The following OSBP2 variants were observed in gnomAD, a reference collection of about 807,000 sequenced individuals.
OSBP2 encodes the protein oxysterol binding protein 2.
A neutral mutation model predicts 96.0 loss-of-function variants in OSBP2; 66 were observed. The observed-to-expected ratio is 0.69, with a 90% CI of 0.56 to 0.84. OSBP2 has a LOEUF of 0.84. Ranked by LOEUF, OSBP2 falls within the 40% of genes least tolerant of loss-of-function variation. The pLI, the probability that OSBP2 is intolerant of heterozygous loss-of-function variation, is 0.00. For missense variants in OSBP2, 1,038 were observed against 1,222.7 expected, an observed-to-expected ratio of 0.85 and a Z score of 2.25; for synonymous variants, 525 against 520.9, an observed-to-expected ratio of 1.01 and a Z score of -0.11.
intron 2 of OSBP2, among the ~76,000 whole-genome samples, chr22:30,790,097 G>A (rs1393877107): frequency 1.3e-5 from 2 of 152,132 alleles, no homozygotes; most frequent in East Asian, 3.9e-4. Context: ...AGCCCCTTGG[G>A]TCAGCAGATG....
At chr22:30,732,623 C>G (rs1461804938) in intron 1 of OSBP2, among the ~76,000 whole-genome samples, 1 of 152,216 alleles carries the variant, frequency 6.6e-6, no homozygotes. Flanking sequence ...CAGCTGATCC[C>G]AAGTGTGTGA....
intron 2 of OSBP2, among the ~76,000 whole-genome samples, chr22:30,798,856 A>G (rs1383771408): frequency 1.3e-5 from 2 of 151,790 alleles, no homozygotes; most frequent in Non-Finnish European, 2.9e-5. Flanking sequence ...GTACTAAAAA[A>G]TACAAACTTT....
intron 2 of OSBP2, among the ~76,000 whole-genome samples, chr22:30,746,898 T>C (rs1360213013): frequency 6.6e-6 from 1 of 152,116 alleles, no homozygotes; most frequent in African/African-American, 2.4e-5. Context: ...CCTTTATGAA[T>C]ATAGCTGCAA....
rs546733796 is a variant in OSBP2, at chr22:30,764,937, T to A, written c.853+23568T>A. Among the ~76,000 whole-genome samples, 3 of 152,270 alleles carry A rather than the reference T, an allele frequency of 2.0e-5. No homozygotes were observed. In the East Asian group the frequency reaches 5.8e-4, roughly 29 times the overall value. ...AACTTCTCTCTTACTTTGAGGGACA[T>A]GAAGTCTTCCTGGGGGAGCATGTTA... On this transcript the variant is annotated intron_variant, in intron 2 of 13. Coordinates refer to ENST00000332585, the MANE Select transcript of OSBP2 (RefSeq NM_030758.4).
chr22:30,875,269 C>T lies in OSBP2; in HGVS notation c.1107+4587C>T, dbSNP rs17820402. On this transcript the variant is annotated intron_variant, in intron 3 of 13. Coordinates refer to ENST00000332585, the MANE Select transcript of OSBP2 (RefSeq NM_030758.4). ...GATCACCTGGCCCAGAACAGCATTT[C>T]GTGGCATTAAATTGTATGGGCAACC... Among the ~76,000 whole-genome samples the T allele has an allele frequency of 0.013, 2,050 of 152,240 alleles. 106 individuals carry two copies. In the East Asian group the frequency reaches 0.17, roughly 12 times the overall value.
At chr22:30,807,623 A>T (rs1421490712) in intron 2 of OSBP2, among the ~76,000 whole-genome samples, 1 of 151,824 alleles carries the variant, frequency 6.6e-6, no homozygotes, top group Non-Finnish European at 1.5e-5. Flanking sequence ...TCTCTCCCAC[A>T]TGGTACTCTT....
chr22:30,717,263 C>T (rs2089478171), intron 1 of OSBP2, among the ~76,000 whole-genome samples: 1 of 151,842 alleles, frequency 6.6e-6, no homozygotes, highest in African/African-American at 2.4e-5. Flanking sequence ...GTCTTTAATC[C>T]ATTTTGAGTT....
At chr22:30,750,391 C>G (rs1028130429) in intron 2 of OSBP2, among the ~76,000 whole-genome samples, 5 of 152,264 alleles carry the variant, frequency 3.3e-5, no homozygotes, top group African/African-American at 1.2e-4. Context: ...GTGAATGCAA[C>G]CAATTCCATT....
chr22:30,706,862 T>A (rs1193463644), intron 1 of OSBP2, among the ~76,000 whole-genome samples: 2 of 152,208 alleles, frequency 1.3e-5, no homozygotes, highest in Non-Finnish European at 2.9e-5. Flanking sequence ...CAGGGTCATC[T>A]CAGCATGGAC....
Position 30,821,980 on chromosome 22 carries a change from A to G in OSBP2, c.854-48449A>G, listed in dbSNP as rs2038282032. The stretch of plus-strand genomic sequence containing the variant: ...AGGCCTGGGCAAATACCTTGTGACC[A>G]GATGCCTGCAGGCCTGTGGCAGCAG... On this transcript the variant is annotated intron_variant, in intron 2 of 13. Coordinates refer to ENST00000332585, the MANE Select transcript of OSBP2 (RefSeq NM_030758.4). Among the ~76,000 whole-genome samples, 5 of 152,382 alleles carry G rather than the reference A, an allele frequency of 3.3e-5. No homozygotes were observed. In the South Asian group the frequency reaches 1.0e-3, roughly 32 times the overall value.
intron 2 of OSBP2, among the ~76,000 whole-genome samples, chr22:30,853,330 G>C (rs991152842): frequency 6.6e-6 from 1 of 152,160 alleles, no homozygotes; most frequent in Non-Finnish European, 1.5e-5. Context: ...GTGTTATCTT[G>C]ATGAACTGAC....
intron 2 of OSBP2, among the ~76,000 whole-genome samples, chr22:30,825,141 C>T (rs764302806): frequency 9.2e-5 from 14 of 152,258 alleles, no homozygotes; most frequent in Admixed American, 5.9e-4. Flanking sequence ...GGCCTTCAGC[C>T]GACTTCTTAC....
intron 3 of OSBP2, among the ~76,000 whole-genome samples, chr22:30,876,591 C>T (rs2039585077): frequency 6.6e-6 from 1 of 152,230 alleles, no homozygotes; most frequent in South Asian, 2.1e-4. Flanking sequence ...GGCCACCTGT[C>T]CCTGGTTGCG....
chr22:30,865,801 G>A (rs948382920), intron 2 of OSBP2, among the ~76,000 whole-genome samples: 2 of 152,110 alleles, frequency 1.3e-5, no homozygotes, highest in Non-Finnish European at 2.9e-5. Context: ...TAATATCCCC[G>A]GTGTAAGGAC....
At chr22:30,729,467 G>A (rs573954994) in intron 1 of OSBP2, among the ~76,000 whole-genome samples, 1 of 152,124 alleles carries the variant, frequency 6.6e-6, no homozygotes, top group Admixed American at 6.6e-5. Flanking sequence ...ATGAAACCCC[G>A]TCTCTACTAA....
At chr22:30,892,318 C>CT (rs933096481) in intron 8 of OSBP2, among the ~76,000 whole-genome samples, 2 of 152,092 alleles carry the variant, frequency 1.3e-5, no homozygotes, top group Admixed American at 1.3e-4. Flanking sequence ...ATCAGCTGAG[C>CT]TCAGGGCCAG....
intron 2 of OSBP2, chr22:30,773,262 G>C (rs953076735): frequency 2.0e-5 from 3 of 150,470 alleles, no homozygotes; most frequent in Non-Finnish European, 4.4e-5. Context: ...GCCTGGTCCC[G>C]AACTCCTGAC....
At chr22:30,897,012 A>G (rs953878215) in intron 12 of OSBP2, among the ~76,000 whole-genome samples, 3 of 152,226 alleles carry the variant, frequency 2.0e-5, no homozygotes, top group Non-Finnish European at 4.4e-5. Flanking sequence ...ATAAAGGTAT[A>G]TAAAAGTTGA....
intron 2 of OSBP2, among the ~76,000 whole-genome samples, chr22:30,860,381 G>T (rs948487327): frequency 2.6e-5 from 4 of 152,152 alleles, no homozygotes; most frequent in Non-Finnish European, 5.9e-5. Context: ...GAAGCAGGTG[G>T]GTCCCTGGTC....
Sources: allele counts gnomAD v4.1 joint callset (sites outside exome capture counted in the v4.1 genomes callset), GRCh38; gene constraint gnomAD v4.1.1; transcripts MANE v1.5; gene names NCBI Gene and HGNC (gene_info 2026-07-23, HGNC 2026-07-21).